WWC1: variants seen among roughly 807,000 people sequenced by gnomAD.
WWC1 encodes the protein protein KIBRA.
In WWC1, 55 loss-of-function variants were observed where a neutral mutation model predicts 138.4. The observed-to-expected ratio is 0.40, with a 90% CI of 0.32 to 0.50. The LOEUF (loss-of-function observed/expected upper bound fraction) is 0.50, where lower values mean the gene tolerates loss of function less well. Among genes scored for constraint, WWC1 ranks in the 20% least tolerant of loss-of-function variants. WWC1 has a pLI of 0.72. For missense variants in WWC1, 1,226 were observed against 1,420.4 expected (o/e 0.86, Z 2.20); for synonymous variants, 524 against 564.9 (o/e 0.93, Z 1.03).
At chr5:168,326,923 T>G (rs1440770855) in intron 1 of WWC1, among the ~76,000 whole-genome samples, 1 of 152,236 alleles carries the variant, frequency 6.6e-6, no homozygotes, top group Non-Finnish European at 1.5e-5. Flanking sequence ...TCTGCATTTT[T>G]GAAGGGACAG....
chr5:168,329,484 T>TA (rs150580510), intron 1 of WWC1, among the ~76,000 whole-genome samples: 17,021 of 152,228 alleles, frequency 0.11, 1,296 homozygotes, highest in Non-Finnish European at 0.15. Flanking sequence ...TTTTGTGTTG[T>TA]AAATCCTAGG....
chr5:168,311,825 C>A (rs533404608), intron 1 of WWC1, among the ~76,000 whole-genome samples: 1 of 146,010 alleles, frequency 6.8e-6, no homozygotes, highest in Non-Finnish European at 1.5e-5. Flanking sequence ...TGCAGTAAGC[C>A]GAGATTGTGC....
chr5:168,376,006 C>T (rs890327693), intron 2 of WWC1, among the ~76,000 whole-genome samples: 2 of 151,972 alleles, frequency 1.3e-5, no homozygotes, highest in African/African-American at 2.4e-5. Context: ...GTTTTCTTTT[C>T]ATACTATATC....
intron 15 of WWC1, among the ~76,000 whole-genome samples, chr5:168,439,488 C>T (rs963926579): frequency 2.7e-5 from 4 of 148,158 alleles, no homozygotes; most frequent in African/African-American, 1.0e-4. Context: ...AAAAAAAAGG[C>T]CAGGCGTGGT....
chr5:168,401,640 AT>A (rs1319796372), intron 5 of WWC1, among the ~76,000 whole-genome samples: 2 of 152,220 alleles, frequency 1.3e-5, no homozygotes, highest in Non-Finnish European at 2.9e-5. Flanking sequence ...GCTTTGTATT[AT>A]TACAAATTGT....
chr5:168,314,607 G>A (rs1023601764), intron 1 of WWC1, among the ~76,000 whole-genome samples: 2 of 152,070 alleles, frequency 1.3e-5, no homozygotes, highest in African/African-American at 4.8e-5. Flanking sequence ...TGCTGTGAGG[G>A]GACTAGCACA....
chr5:168,293,359 A>T (rs1344367565), intron 1 of WWC1, among the ~76,000 whole-genome samples: 1 of 152,116 alleles, frequency 6.6e-6, no homozygotes, highest in African/African-American at 2.4e-5. Context: ...ACCAAGGTGA[A>T]TTTCTTGGAC....
intron 19 of WWC1, among the ~76,000 whole-genome samples, chr5:168,457,728 C>A (rs1756463780): frequency 6.6e-6 from 1 of 152,232 alleles, no homozygotes; most frequent in Non-Finnish European, 1.5e-5. Flanking sequence ...ACCTGGCCCC[C>A]ACCGGCCCCG....
chr5:168,357,303 TACACACACACACAC>T (rs3083619), intron 1 of WWC1, among the ~76,000 whole-genome samples: 1 of 145,126 alleles, frequency 6.9e-6, no homozygotes, highest in Non-Finnish European at 1.5e-5. Context: ...CTTTCTCTCT[TACACACACACACAC>T]ACACACACAC....
At chr5:168,406,808 G>T (rs982890221) in intron 6 of WWC1, among the ~76,000 whole-genome samples, 1 of 151,966 alleles carries the variant, frequency 6.6e-6, no homozygotes, top group African/African-American at 2.4e-5. Context: ...CAGTTGCAGT[G>T]GCGGGCGCCT....
chr5:168,389,340 G>A (rs185649891), intron 3 of WWC1, among the ~76,000 whole-genome samples: 2 of 151,564 alleles, frequency 1.3e-5, no homozygotes, highest in East Asian at 2.0e-4. Context: ...CCAGCTACTC[G>A]GGAGGCTGAG....
intron 3 of WWC1, among the ~76,000 whole-genome samples, chr5:168,391,992 T>A (rs1226805542): frequency 1.3e-5 from 2 of 151,944 alleles, no homozygotes; most frequent in East Asian, 3.9e-4. Flanking sequence ...CAAGTAAGAC[T>A]GAAGGGAAGA....
rs771597448 is a variant in WWC1, at chr5:168,376,616, A to G, written c.229+5083A>G. 8.9e-4 allele frequency among the ~76,000 whole-genome samples: 135 copies of G among 152,356 alleles called. 1 individual carries two copies. In the Middle Eastern group the frequency reaches 0.014, roughly 15 times the overall value. On this transcript the variant is annotated intron_variant, in intron 2 of 22. Coordinates refer to ENST00000265293, the MANE Select transcript of WWC1 (RefSeq NM_015238.3). ...ACAAAATAAATGTAAAAAAATCAAT[A>G]GCATTTCTGTAAACCAATAATGTTC...
rs1337168497 is a variant in WWC1, at chr5:168,471,882, A to C, written c.*2865A>C. ...TGGAGCCTGAATTCATTGGCACAAA[A>C]GGCAGCAGCATCCTCACTGTATCTG... On this transcript the variant is annotated 3_prime_UTR_variant, in exon 23 of 23. Coordinates refer to ENST00000265293, the MANE Select transcript of WWC1 (RefSeq NM_015238.3). 3 of 152,248 alleles carry C rather than the reference A, an allele frequency of 2.0e-5. No homozygotes were observed. Among genetic ancestry groups the C allele is most frequent in the Non-Finnish European group, 4.4e-5 (3 of 68,048 alleles). The allele number at this position is 152,248 out of a possible 1,614,324, so 9.4% of individuals were successfully genotyped here.
intron 1 of WWC1, among the ~76,000 whole-genome samples, chr5:168,342,687 G>C (rs867412150): frequency 1.3e-5 from 2 of 152,070 alleles, no homozygotes; most frequent in African/African-American, 4.8e-5. Context: ...GTGTGGAGGA[G>C]GGGGTTCATG....
intron 14 of WWC1, 89 bp downstream of exon 14, chr5:168,430,312 T>A: frequency 9.4e-7 from 1 of 1,061,084 alleles, no homozygotes; most frequent in Non-Finnish European, 1.4e-6. Context: ...CCTGATCCAG[T>A]TATGGGCCTT....
chr5:168,293,825 G>T (rs1417098021), intron 1 of WWC1, among the ~76,000 whole-genome samples: 4 of 152,130 alleles, frequency 2.6e-5, no homozygotes, highest in African/African-American at 9.7e-5. Context: ...CAAGTATTTT[G>T]ATTTTTCTGC....
At chr5:168,424,179 T>G (rs1206116802) in intron 11 of WWC1, 111 bp downstream of exon 11, 1 of 1,336,912 alleles carries the variant, frequency 7.5e-7, no homozygotes, top group Non-Finnish European at 1.0e-6. Flanking sequence ...TGCTTCTGTG[T>G]GCTGGGTCTT....
intron 2 of WWC1, among the ~76,000 whole-genome samples, chr5:168,381,179 G>C (rs1430631500): frequency 6.6e-6 from 1 of 152,114 alleles, no homozygotes; most frequent in Non-Finnish European, 1.5e-5. Flanking sequence ...GTTTACAAAA[G>C]AGACCATGAG....
Sources: allele counts gnomAD v4.1 joint callset (sites outside exome capture counted in the v4.1 genomes callset), GRCh38; gene constraint gnomAD v4.1.1; transcripts MANE v1.5; gene names NCBI Gene and HGNC (gene_info 2026-07-23, HGNC 2026-07-21).